The following LRRC34 variants were observed in gnomAD, a reference collection of about 807,000 sequenced individuals.
LRRC34 encodes leucine rich repeat containing 34.
LRRC34 carries 44 observed loss-of-function variants against 48.5 expected under a neutral mutation model. The observed-to-expected ratio is 0.91, with a 90% CI of 0.71 to 1.17. The LOEUF is 1.17. Among genes scored for constraint, LRRC34 ranks in the 50% most tolerant of loss-of-function variants. The pLI is 0.00. For synonymous variants in LRRC34, 192 were observed against 197.6 expected, an observed-to-expected ratio of 0.97 and a Z score of 0.24; for missense variants, 502 against 563.0, an observed-to-expected ratio of 0.89 and a Z score of 1.10.
At chr3:169,797,404 C>G (rs1044669943) in intron 7 of LRRC34, among the ~76,000 whole-genome samples, 7 of 152,096 alleles carry the variant, frequency 4.6e-5, no homozygotes, top group Admixed American at 6.6e-5. Flanking sequence ...TCTGATCCTT[C>G]CCTTTATATT....
Position 169,812,550 on chromosome 3 carries a change from G to A in LRRC34, c.-2C>T. 2 of 1,482,738 alleles carry A rather than the reference G, an allele frequency of 1.3e-6. No homozygotes were observed. Among genetic ancestry groups the A allele is most frequent in the Middle Eastern group, 1.7e-4 (1 of 5,768 alleles). 91.8% of individuals were successfully genotyped at this position (1,482,738 alleles called of 1,614,324 possible). A position where few individuals can be genotyped will look rare whatever the true frequency, so the allele number is the denominator to read the frequency against. On this transcript the variant is annotated 5_prime_UTR_variant, in exon 1 of 11. Coordinates refer to ENST00000446859, the MANE Select transcript of LRRC34 (RefSeq NM_001172779.2). The surrounding 1 kb of genome is among the most constrained non-coding windows in gnomAD (Gnocchi z 4.3). ...TGGCCGCGGCGGCTGCGCTGCCATGGCGACCGCGCGCGCACTTACAGTCCG... is the reference window on the plus strand; with the variant it reads ...TGGCCGCGGCGGCTGCGCTGCCATGACGACCGCGCGCGCACTTACAGTCCG...
intron 8 of LRRC34, 121 bp from the exon 9 acceptor site, chr3:169,796,490 G>T: frequency 8.6e-7 from 1 of 1,160,354 alleles, no homozygotes; most frequent in Non-Finnish European, 1.2e-6. Flanking sequence ...TTAACCACTT[G>T]ATTTCCAAGA....
intron 1 of LRRC34, among the ~76,000 whole-genome samples, chr3:169,811,514 T>C (rs541667544): frequency 1.3e-5 from 2 of 152,212 alleles, no homozygotes; most frequent in Non-Finnish European, 2.9e-5. Flanking sequence ...AGCCTTCAAA[T>C]TGTAAAGCAA....
Position 169,812,259 on chromosome 3 carries a change from C to T in LRRC34, c.139+151G>A, listed in dbSNP as rs1779612759. The T allele has an allele frequency of 9.0e-7, 1 of 1,108,422 alleles. No individual in the cohort carries two copies. Among genetic ancestry groups the T allele is most frequent in the Non-Finnish European group, 1.2e-6 (1 of 822,208 alleles). 68.7% of individuals were successfully genotyped at this position (1,108,422 alleles called of 1,614,324 possible). ...GCCCTCGTTTCTGGGCGCCCCAAAC[C>T]TCTGGCCACAGCTGGGGTTCCCAGG... On this transcript the variant is annotated intron_variant, in intron 1 of 10. Transcript: ENST00000446859. This position sits in a 1 kb window ranked among gnomAD's most constrained non-coding sequence, Gnocchi z 4.3.
chr3:169,801,372 T>G (rs910041733), intron 6 of LRRC34, among the ~76,000 whole-genome samples: 1 of 152,104 alleles, frequency 6.6e-6, no homozygotes, highest in South Asian at 2.1e-4. Flanking sequence ...CTCAAATTAG[T>G]CTGTTCCTGT....
chr3:169,793,340 G>T lies in LRRC34; in HGVS notation c.*295C>A. 4.3e-6 allele frequency: 1 copy of T among 230,842 alleles called. No individual in the cohort carries two copies. The highest frequency in any genetic ancestry group is 1.0e-4 in the South Asian group (1 of 9,988). 14.3% of individuals were successfully genotyped at this position (230,842 alleles called of 1,614,324 possible). A position where few individuals can be genotyped will look rare whatever the true frequency, so the allele number is the denominator to read the frequency against. On this transcript the variant is annotated 3_prime_UTR_variant, in exon 11 of 11. Coordinates refer to ENST00000446859, the MANE Select transcript of LRRC34 (RefSeq NM_001172779.2). ...TAGATACCTACAATGACCTTTACTTGTACGCTATTTCACTACTTGGTTATA... is the reference window on the plus strand; with the variant it reads ...TAGATACCTACAATGACCTTTACTTTTACGCTATTTCACTACTTGGTTATA...
intron 10 of LRRC34, 48 bp downstream of exon 10, chr3:169,795,437 G>A (rs1352657192): frequency 1.3e-6 from 2 of 1,556,166 alleles, no homozygotes; most frequent in Admixed American, 3.5e-5. Flanking sequence ...ATGTTACAGA[G>A]ATGATCCCAG....
intron 10 of LRRC34, 156 bp downstream of exon 10, chr3:169,795,329 C>A (rs2108221091): frequency 1.5e-6 from 1 of 647,660 alleles, no homozygotes; most frequent in South Asian, 3.6e-5. Context: ...TTTGAACCAC[C>A]AAACTCTCTA....
At chr3:169,796,956 T>G in intron 7 of LRRC34, 57 bp from the exon 8 acceptor site, 3 of 1,306,310 alleles carry the variant, frequency 2.3e-6, no homozygotes, top group Non-Finnish European at 1.0e-6. Context: ...TACATGTTTA[T>G]TTCAGACATA....
chr3:169,801,070 T>C (rs1779171670), intron 6 of LRRC34, among the ~76,000 whole-genome samples: 1 of 152,214 alleles, frequency 6.6e-6, no homozygotes, highest in Non-Finnish European at 1.5e-5. Flanking sequence ...GAGCTCATAC[T>C]ACTTATCCAA....
chr3:169,800,143 A>G (rs991385017), intron 7 of LRRC34, among the ~76,000 whole-genome samples: 1 of 152,226 alleles, frequency 6.6e-6, no homozygotes, highest in African/African-American at 2.4e-5. Context: ...TACAAGTGAT[A>G]GGAGAAGAAA....
chr3:169,800,084 T>A (rs1434414349), intron 7 of LRRC34, among the ~76,000 whole-genome samples: 1 of 152,228 alleles, frequency 6.6e-6, no homozygotes, highest in African/African-American at 2.4e-5. Flanking sequence ...GTTAGATATA[T>A]GTTTTTGTTT....
intron 4 of LRRC34, 76 bp downstream of exon 4, chr3:169,807,350 T>C (rs1779413290): frequency 1.5e-6 from 2 of 1,303,214 alleles, no homozygotes; most frequent in Non-Finnish European, 2.2e-6. Context: ...GTAAAACTAG[T>C]GTTTTATGTG....
chr3:169,809,664 C>T (rs188828562), intron 1 of LRRC34, among the ~76,000 whole-genome samples: 1 of 152,320 alleles, frequency 6.6e-6, no homozygotes, highest in African/African-American at 2.4e-5. Context: ...GTTTTCTATA[C>T]ATCTACCTTT....
In LRRC34 at chr3:169,803,987, ACT is replaced by A. The variant is rs751195128; in HGVS notation, c.657+64_657+65del. On this transcript the variant is annotated intron_variant, in intron 6 of 10. Coordinates refer to ENST00000446859, the MANE Select transcript of LRRC34 (RefSeq NM_001172779.2). Reference sequence around the variant, plus strand: ...AGAGGCAAAATTAATCATTCATAAGACTCTGATTTAGCTGTTCTCTAATGACC... The same window carrying A: ...AGAGGCAAAATTAATCATTCATAAGACTGATTTAGCTGTTCTCTAATGACC... The A allele has an allele frequency of 4.2e-4, 583 of 1,399,614 alleles. 9 individuals carry two copies. Among genetic ancestry groups the A allele is most frequent in the Middle Eastern group, 2.3e-3 (12 of 5,224 alleles). 86.7% of individuals were successfully genotyped at this position (1,399,614 alleles called of 1,614,324 possible). A position where few individuals can be genotyped will look rare whatever the true frequency, so the allele number is the denominator to read the frequency against.
Position 169,803,473 on chromosome 3 carries a change from T to C in LRRC34, c.657+580A>G, listed in dbSNP as rs80101780. On this transcript the variant is annotated intron_variant, in intron 6 of 10. Transcript: ENST00000446859. ...TTTATTTTTGTTTTGAGTCAGAGTC[T>C]CACTCTGTCGCCCAGGGGCTGGAGT... Among the ~76,000 whole-genome samples, 166 of 152,380 alleles carry C rather than the reference T, an allele frequency of 1.1e-3. 1 individual carries two copies. The highest frequency in any genetic ancestry group is 3.8e-3 in the African/African-American group (158 of 41,590).
rs548051957 is a variant in LRRC34, at chr3:169,806,868, A to G, written c.508T>C (p.Leu170=). The change falls in exon 5 of 11, where the codon TTG becomes CTG. Residue 170 remains leucine, a synonymous_variant. Transcript: ENST00000446859. The part of the protein sequence containing the change: ...FNDIGPEGGE[L]IAKVLHKNRT... ...CTTACATGTAGCACTTTAGCAATCA[A>G]TTCTCCACCTTCGGGCCCAATATCA... is the stretch of plus-strand genomic sequence containing the variant. 8.7e-6 allele frequency: 14 copies of G among 1,605,122 alleles called. No individual in the cohort carries two copies. The highest frequency in any genetic ancestry group is 6.7e-5 in the Admixed American group (4 of 59,632).
chr3:169,795,967 G>C, intron 9 of LRRC34: 1 of 1,203,924 alleles, frequency 8.3e-7, no homozygotes, highest in Non-Finnish European at 1.0e-6. Context: ...TTAGAATTCA[G>C]GATAAGTAAT....
chr3:169,799,265 C>T (rs1260146505), intron 7 of LRRC34, among the ~76,000 whole-genome samples: 1 of 152,114 alleles, frequency 6.6e-6, no homozygotes, highest in Non-Finnish European at 1.5e-5. Flanking sequence ...GAGAATACTA[C>T]TTTAAAAATA....
Sources: gnomAD v4.1 joint callset for allele counts (sites outside exome capture counted in the v4.1 genomes callset) on GRCh38, gnomAD v4.1.1 for gene constraint, Gnocchi (gnomAD v3.1) non-coding constraint, MANE v1.5 for transcripts, NCBI Gene and HGNC (gene_info 2026-07-23, HGNC 2026-07-21) for gene names.